ITIH5: variants seen among roughly 807,000 people sequenced by gnomAD.
ITIH5 encodes inter-alpha-trypsin inhibitor heavy chain 5.
ITIH5 carries 65 observed loss-of-function variants against 77.5 expected under a neutral mutation model. That is an observed-to-expected ratio of 0.84 (90% CI 0.69 to 1.03). The LOEUF is 1.03. Ranked by LOEUF, ITIH5 falls within the 50% of genes least tolerant of loss-of-function variation. ITIH5 has a pLI of 0.00. For synonymous variants in ITIH5, 525 were observed against 494.3 expected, an observed-to-expected ratio of 1.06 and a Z score of -0.82; for missense variants, 1,208 against 1,213.1, an observed-to-expected ratio of 1.00 and a Z score of 0.06.
At chr10:7,587,560 T>C (rs1832706932) in intron 7 of ITIH5, among the ~76,000 whole-genome samples, 1 of 152,248 alleles carries the variant, frequency 6.6e-6, no homozygotes, top group Admixed American at 6.5e-5. Flanking sequence ...ACTCGCTCTC[T>C]GATATCACTG....
chr10:7,590,087 G>A (rs768916052), intron 7 of ITIH5, among the ~76,000 whole-genome samples: 10 of 152,126 alleles, frequency 6.6e-5, no homozygotes, highest in Non-Finnish European at 8.8e-5. Flanking sequence ...CATCCAGACC[G>A]ACCTGCCAAC....
At chr10:7,591,398 C>A (rs34672359) in intron 7 of ITIH5, among the ~76,000 whole-genome samples, 5 of 151,934 alleles carry the variant, frequency 3.3e-5, no homozygotes, top group African/African-American at 1.2e-4. Flanking sequence ...CTTCCTGACA[C>A]GTTGAGCTGT....
chr10:7,644,934 TATCACATATATATATATCACAC>T (rs1287942321), intron 2 of ITIH5, among the ~76,000 whole-genome samples: 3 of 26,492 alleles, frequency 1.1e-4, no homozygotes, highest in East Asian at 1.8e-3. Context: ...CACATATATA[TATCACATATATATATATCACAC>T]ATATATATAT....
rs1386554363 is a variant in ITIH5, at chr10:7,574,664, G to T, written c.1979-1469C>A. ...AAAAATTAGCCGGGCGCGGTGGTGGGCACCCGTAGTCCCAGCTACTTGGGA... is the reference window on the plus strand; with the variant it reads ...AAAAATTAGCCGGGCGCGGTGGTGGTCACCCGTAGTCCCAGCTACTTGGGA... On this transcript the variant is annotated intron_variant, in intron 10 of 13. Coordinates refer to ENST00000397146, the MANE Select transcript of ITIH5 (RefSeq NM_030569.7). 2.0e-5 allele frequency among the ~76,000 whole-genome samples: 3 copies of T among 151,708 alleles called. No individual in the cohort carries two copies. In the East Asian group the frequency reaches 5.8e-4, roughly 29 times the overall value.
intron 7 of ITIH5, among the ~76,000 whole-genome samples, chr10:7,614,063 C>T (rs541419775): frequency 6.6e-6 from 1 of 152,146 alleles, no homozygotes; most frequent in East Asian, 1.9e-4. Flanking sequence ...TCGATGACTG[C>T]CAGTGTAGAA....
chr10:7,569,010 CTTTTTTTTTTTTTT>C (rs5782983), intron 12 of ITIH5, among the ~76,000 whole-genome samples: 5 of 71,596 alleles, frequency 7.0e-5, no homozygotes, highest in Non-Finnish European at 1.3e-4. Context: ...TTTTCTTTTT[CTTTTTTTTTTTTTT>C]TTTTTTTTTG....
intron 1 of ITIH5, among the ~76,000 whole-genome samples, chr10:7,659,961 GTAAC>G (rs140084532): frequency 6.6e-6 from 1 of 152,266 alleles, no homozygotes; most frequent in East Asian, 1.9e-4. Flanking sequence ...CTACAGAAAA[GTAAC>G]TGACTCCCAG....
intron 7 of ITIH5, among the ~76,000 whole-genome samples, chr10:7,603,805 G>C (rs190492158): frequency 3.9e-5 from 6 of 152,080 alleles, no homozygotes; most frequent in Non-Finnish European, 8.8e-5. Flanking sequence ...GGATGGTCCC[G>C]ATCTCCTGAC....
chr10:7,643,965 G>A (rs917534698), intron 2 of ITIH5, among the ~76,000 whole-genome samples: 1 of 152,176 alleles, frequency 6.6e-6, no homozygotes, highest in South Asian at 2.1e-4. Flanking sequence ...CACCGGCTGG[G>A]CGCGGTGGCT....
intron 11 of ITIH5, chr10:7,572,277 C>T: frequency 7.4e-7 from 1 of 1,358,214 alleles, no homozygotes; most frequent in Admixed American, 1.9e-5. Flanking sequence ...CTGGACACAG[C>T]AGAACAAAAC....
chr10:7,601,842 C>T (rs1833021753), intron 7 of ITIH5, among the ~76,000 whole-genome samples: 1 of 152,106 alleles, frequency 6.6e-6, no homozygotes, highest in African/African-American at 2.4e-5. Context: ...ATCTGATACA[C>T]TCTAAGGCTC....
At chr10:7,609,871 GA>G (rs1045526314) in intron 7 of ITIH5, among the ~76,000 whole-genome samples, 1 of 151,956 alleles carries the variant, frequency 6.6e-6, no homozygotes. Flanking sequence ...GAAAGTAGTA[GA>G]TCTAATTCTA....
rs139568110 is a variant in ITIH5 at position 7,614,484 on chromosome 10, T to A, written c.939+1498A>T. Reference sequence around the variant, plus strand: ...ACATCGTGAGATTTTTTTGCGTGATTTTTTTTTTAGCTCATTAGTATTGTT... The same window carrying A: ...ACATCGTGAGATTTTTTTGCGTGATATTTTTTTTAGCTCATTAGTATTGTT... On this transcript the variant is annotated intron_variant, in intron 7 of 13. Transcript: ENST00000397146. Among the ~76,000 whole-genome samples, 638 of 151,310 alleles carry A rather than the reference T, an allele frequency of 4.2e-3. 6 individuals carry two copies. The highest frequency in any genetic ancestry group is 0.02 in the Middle Eastern group (6 of 294).
In ITIH5 at chr10:7,615,973, C is replaced by T. The variant is rs375194320; in HGVS notation, c.939+9G>A. On this transcript the variant is annotated intron_variant, in intron 7 of 13. Transcript: ENST00000397146. ...GAGAGGAATAAATGGGCGGTTGGCA[C>T]TCACTCACCTGCCGGAGTTTGGTTC... 79 of 1,519,416 alleles carry T rather than the reference C, an allele frequency of 5.2e-5. No homozygotes were observed. Among genetic ancestry groups the T allele is most frequent in the Non-Finnish European group, 6.7e-5 (73 of 1,094,066 alleles). The allele number at this position is 1,519,416 out of a possible 1,614,324, so 94.1% of individuals were successfully genotyped here.
intron 1 of ITIH5, among the ~76,000 whole-genome samples, chr10:7,658,413 C>T (rs1834222172): frequency 6.6e-6 from 1 of 152,144 alleles, no homozygotes; most frequent in South Asian, 2.1e-4. Context: ...AGGCTGACAT[C>T]CACCCTGACT....
At chr10:7,573,874 G>C (rs1832354883) in intron 10 of ITIH5, among the ~76,000 whole-genome samples, 1 of 152,134 alleles carries the variant, frequency 6.6e-6, no homozygotes, top group African/African-American at 2.4e-5. Flanking sequence ...CTGTTGTTCA[G>C]TGGGCCTGTA....
At chr10:7,626,922 A>T (rs1317319327) in intron 5 of ITIH5, among the ~76,000 whole-genome samples, 3 of 152,178 alleles carry the variant, frequency 2.0e-5, no homozygotes, top group Admixed American at 6.5e-5. Context: ...GATCTGGCAA[A>T]ATTTACCAAC....
rs767491073 is a variant in ITIH5, at chr10:7,616,140, C to T, written c.823-42G>A. The stretch of plus-strand genomic sequence containing the variant: ...AAAGTAAAAACGGTAGTACCTAGAG[C>T]GGGGAGCAAAAATACCTGAAGTGGG... On this transcript the variant is annotated intron_variant, in intron 6 of 13. Transcript: ENST00000397146. 63 of 1,182,898 alleles carry T rather than the reference C, an allele frequency of 5.3e-5. No individual in the cohort carries two copies. In the East Asian group the frequency reaches 1.3e-3, roughly 25 times the overall value. 73.3% of individuals were successfully genotyped at this position (1,182,898 alleles called of 1,614,324 possible).
At position 7,560,812 on chromosome 10, in the gene ITIH5, G is replaced by A. The variant is rs1321502505; in HGVS notation, c.*2271C>T. 6.6e-6 allele frequency: 1 copy of A among 152,164 alleles called. No individual in the cohort carries two copies. The highest frequency in any genetic ancestry group is 1.5e-5 in the Non-Finnish European group (1 of 68,036). The allele number at this position is 152,164 out of a possible 1,614,324, so 9.4% of individuals were successfully genotyped here. A position where few individuals can be genotyped will look rare whatever the true frequency, so the allele number is the denominator to read the frequency against. On this transcript the variant is annotated 3_prime_UTR_variant, in exon 14 of 14. Coordinates refer to ENST00000397146, the MANE Select transcript of ITIH5 (RefSeq NM_030569.7). ...AGGAAAATAAATGATTGCCCAGATG[G>A]TGAAACAGGGTCAAAGCAAACAAAA...
Sources: gnomAD v4.1 joint callset for allele counts (sites outside exome capture counted in the v4.1 genomes callset) on GRCh38, gnomAD v4.1.1 for gene constraint, MANE v1.5 for transcripts, NCBI Gene and HGNC (gene_info 2026-07-23, HGNC 2026-07-21) for gene names.